Variants in STIMATE observed in about 807,000 individuals in gnomAD.
STIMATE encodes STIM activating enhancer.
In STIMATE, 15 loss-of-function variants were observed where a neutral mutation model predicts 36.7. The observed-to-expected ratio is 0.41, with a 90% CI of 0.27 to 0.63. The LOEUF is 0.63. Ranked by LOEUF, STIMATE falls within the 20% of genes least tolerant of loss-of-function variation. The pLI is 0.32. For synonymous variants in STIMATE, 163 were observed against 162.3 expected (o/e 1.00, Z -0.03); for missense variants, 305 against 397.3 (o/e 0.77, Z 1.98).
chr3:52,883,424 TTTTC>T (rs1277557766), intron 1 of STIMATE, among the ~76,000 whole-genome samples: 5 of 152,206 alleles, frequency 3.3e-5, no homozygotes, highest in African/African-American at 1.2e-4. Context: ...ATTAGTGTGA[TTTTC>T]TTTGTGTTTA....
At position 52,837,700 on chromosome 3, in the gene STIMATE, G is replaced by A. The variant is rs1407538700; in HGVS notation, c.*2794C>T. On this transcript the variant is annotated 3_prime_UTR_variant, in exon 8 of 8. Transcript: ENST00000355083. The stretch of plus-strand genomic sequence containing the variant: ...GCAAGGTTCCACCACAGGTGGCTTG[G>A]CTGAGGTCCAGATTTGGACAAATCA... The A allele has an allele frequency of 6.6e-6, 1 of 152,234 alleles. No individual in the cohort carries two copies. The highest frequency in any genetic ancestry group is 2.4e-5 in the African/African-American group (1 of 41,464). The allele number at this position is 152,234 out of a possible 1,614,324, so 9.4% of individuals were successfully genotyped here. A position where few individuals can be genotyped will look rare whatever the true frequency, so the allele number is the denominator to read the frequency against.
intron 1 of STIMATE, among the ~76,000 whole-genome samples, chr3:52,859,538 T>TAAAA (rs1701175868): frequency 1.2e-3 from 145 of 119,792 alleles, no homozygotes; most frequent in African/African-American, 4.9e-3. Flanking sequence ...AAAATTTTTT[T>TAAAA]TTTTTTTTTT....
chr3:52,871,220 A>G (rs11720233), intron 1 of STIMATE, among the ~76,000 whole-genome samples: 13,902 of 152,028 alleles, frequency 0.091, 785 homozygotes, highest in Non-Finnish European at 0.13. Flanking sequence ...CTGAAGGGGG[A>G]CCTTTTTAAA....
chr3:52,858,124 A>G (rs993840812), intron 1 of STIMATE, among the ~76,000 whole-genome samples: 1 of 152,226 alleles, frequency 6.6e-6, no homozygotes, highest in African/African-American at 2.4e-5. Context: ...ACTGTGAGAA[A>G]ATAAGTGTCT....
intron 1 of STIMATE, among the ~76,000 whole-genome samples, chr3:52,860,779 G>A (rs954574938): frequency 7.9e-5 from 12 of 152,230 alleles, no homozygotes; most frequent in African/African-American, 2.7e-4. Flanking sequence ...GACAGTGGAC[G>A]TGGGGTGTGG....
chr3:52,840,226 A>T lies in STIMATE; in HGVS notation c.*268T>A. 1 of 283,778 alleles carries T rather than the reference A, an allele frequency of 3.5e-6. No homozygotes were observed. The highest frequency in any genetic ancestry group is 6.6e-6 in the Non-Finnish European group (1 of 150,970). 17.6% of individuals were successfully genotyped at this position (283,778 alleles called of 1,614,324 possible). A position where few individuals can be genotyped will look rare whatever the true frequency, so the allele number is the denominator to read the frequency against. On this transcript the variant is annotated 3_prime_UTR_variant, in exon 8 of 8. Coordinates refer to ENST00000355083, the MANE Select transcript of STIMATE (RefSeq NM_198563.5). ...ACACTGTCTGGGACGACAACAAACA[A>T]ACACAGCTCCTTCCTTGCATATTTG...
rs747396544 is a variant in STIMATE at position 52,897,242 on chromosome 3, C to T, written c.160+49G>A. On this transcript the variant is annotated intron_variant, in intron 1 of 7. Coordinates refer to ENST00000355083, the MANE Select transcript of STIMATE (RefSeq NM_198563.5). Reference sequence around the variant, plus strand: ...GGAGGGGCCCCCAGGGGGGCCGGGCCGCGGCTGCCGCGCAGGGCCTCCGGA... The same window carrying T: ...GGAGGGGCCCCCAGGGGGGCCGGGCTGCGGCTGCCGCGCAGGGCCTCCGGA... The T allele has an allele frequency of 2.1e-4, 312 of 1,521,204 alleles. 2 individuals carry two copies. The South Asian group carries it at 3.6e-3, about 18-fold the overall frequency. 94.2% of individuals were successfully genotyped at this position (1,521,204 alleles called of 1,614,324 possible). A position where few individuals can be genotyped will look rare whatever the true frequency, so the allele number is the denominator to read the frequency against.
chr3:52,838,257 AC>A lies in STIMATE; in HGVS notation c.*2236del, dbSNP rs1320446702. Reference sequence around the variant, plus strand: ...GATGAGACCATCTGAGATCTATATAACCCAGGGTTTGTTTCACAGCTTTCAT... The same window carrying A: ...GATGAGACCATCTGAGATCTATATAACCAGGGTTTGTTTCACAGCTTTCAT... On this transcript the variant is annotated 3_prime_UTR_variant, in exon 8 of 8. Coordinates refer to ENST00000355083, the MANE Select transcript of STIMATE (RefSeq NM_198563.5). 1 of 152,054 alleles carries A rather than the reference AC, an allele frequency of 6.6e-6. No homozygotes were observed. The highest frequency in any genetic ancestry group is 2.4e-5 in the African/African-American group (1 of 41,354). The allele number at this position is 152,054 out of a possible 1,614,324, so 9.4% of individuals were successfully genotyped here. A position where few individuals can be genotyped will look rare whatever the true frequency, so the allele number is the denominator to read the frequency against.
At chr3:52,845,255 C>T (rs762784997) in intron 4 of STIMATE, among the ~76,000 whole-genome samples, 7 of 152,286 alleles carry the variant, frequency 4.6e-5, no homozygotes, top group East Asian at 1.9e-4. Flanking sequence ...TTCTTTCTGC[C>T]GGCTGGCAGC....
intron 1 of STIMATE, among the ~76,000 whole-genome samples, chr3:52,861,564 G>A (rs143380650): frequency 4.7e-4 from 71 of 152,354 alleles, no homozygotes; most frequent in African/African-American, 8.9e-4. Context: ...GTGGGGGGCT[G>A]CTATGACCGG....
intron 1 of STIMATE, among the ~76,000 whole-genome samples, chr3:52,873,110 C>T (rs1200200435): frequency 6.6e-6 from 1 of 152,194 alleles, no homozygotes; most frequent in African/African-American, 2.4e-5. Flanking sequence ...CAAAAAGCAA[C>T]AACCTCCCCC....
chr3:52,880,917 G>A (rs756104408), intron 1 of STIMATE, among the ~76,000 whole-genome samples: 8 of 152,166 alleles, frequency 5.3e-5, no homozygotes, highest in Admixed American at 1.3e-4. Context: ...AGCCAGGTGC[G>A]GTGGCTCATG....
intron 1 of STIMATE, 134 bp downstream of exon 1, chr3:52,897,157 C>G: frequency 8.1e-7 from 1 of 1,235,420 alleles, no homozygotes; most frequent in Non-Finnish European, 1.1e-6. Context: ...TGCAGGAATA[C>G]CCAGCCTGGG....
intron 1 of STIMATE, among the ~76,000 whole-genome samples, chr3:52,891,349 T>C (rs918537955): frequency 1.3e-5 from 2 of 152,170 alleles, no homozygotes; most frequent in African/African-American, 2.4e-5. Context: ...ACAGGGTTCC[T>C]GTGAGGGGGG....
intron 1 of STIMATE, among the ~76,000 whole-genome samples, chr3:52,873,280 G>A (rs1701440096): frequency 6.6e-6 from 1 of 152,164 alleles, no homozygotes; most frequent in South Asian, 2.1e-4. Context: ...TGTGTTCCAT[G>A]GGGGATTCTG....
intron 4 of STIMATE, among the ~76,000 whole-genome samples, chr3:52,845,728 G>A (rs1700883353): frequency 6.6e-6 from 1 of 152,188 alleles, no homozygotes; most frequent in Non-Finnish European, 1.5e-5. Flanking sequence ...ATTTTGAACG[G>A]AGAGAAGACC....
At chr3:52,860,349 T>C (rs900418062) in intron 1 of STIMATE, among the ~76,000 whole-genome samples, 3 of 151,086 alleles carry the variant, frequency 2.0e-5, no homozygotes, top group African/African-American at 7.3e-5. Flanking sequence ...ACGTGGGGTC[T>C]GAACTGTCAA....
At chr3:52,856,772 T>C (rs4687558) in intron 1 of STIMATE, among the ~76,000 whole-genome samples, 150,494 of 152,362 alleles carry the variant, frequency 0.99, 74,358 homozygotes, top group Middle Eastern at 1. Flanking sequence ...ACCTGATTGG[T>C]CTTGGATAGC....
rs1003932238 is a variant in STIMATE, at chr3:52,897,467, G to A, written c.-17C>T. On this transcript the variant is annotated 5_prime_UTR_variant, in exon 1 of 8. Transcript: ENST00000355083. ...GCCCTGCATGACAGGCCTCGCGGGAGGGGCGCGAGGGCCCAGGGCCCGCCC... is the reference window on the plus strand; with the variant it reads ...GCCCTGCATGACAGGCCTCGCGGGAAGGGCGCGAGGGCCCAGGGCCCGCCC... 3 of 1,286,908 alleles carry A rather than the reference G, an allele frequency of 2.3e-6. No individual in the cohort carries two copies. Among genetic ancestry groups the A allele is most frequent in the Non-Finnish European group, 2.9e-6 (3 of 1,019,804 alleles). 79.7% of individuals were successfully genotyped at this position (1,286,908 alleles called of 1,614,324 possible).
Sources: allele counts gnomAD v4.1 joint callset (sites outside exome capture counted in the v4.1 genomes callset), GRCh38; gene constraint gnomAD v4.1.1; transcripts MANE v1.5; gene names NCBI Gene and HGNC (gene_info 2026-07-23, HGNC 2026-07-21).